Variants in SH3BP5L observed in about 807,000 individuals in gnomAD.
The protein encoded by SH3BP5L is SH3 binding domain protein 5 like.
A neutral mutation model predicts 40.9 loss-of-function variants in SH3BP5L; 16 were observed. The observed-to-expected ratio is 0.39, with a 90% CI of 0.27 to 0.59. The LOEUF (loss-of-function observed/expected upper bound fraction) is 0.59, where lower values mean the gene tolerates loss of function less well. Among genes scored for constraint, SH3BP5L ranks in the 20% least tolerant of loss-of-function variants. The pLI, the probability that SH3BP5L is intolerant of heterozygous loss-of-function variation, is 0.53. For synonymous variants in SH3BP5L, 229 were observed against 226.7 expected, an observed-to-expected ratio of 1.01 and a Z score of -0.09; for missense variants, 471 against 544.6, an observed-to-expected ratio of 0.86 and a Z score of 1.35.
At position 248,813,330 on chromosome 1, in the gene SH3BP5L, T is replaced by C. The variant is rs1664008303; in HGVS notation, c.538-168A>G. The C allele has an allele frequency of 8.3e-6, 5 of 604,972 alleles. No individual in the cohort carries two copies. The South Asian group carries it at 1.6e-4, about 19-fold the overall frequency. The allele number at this position is 604,972 out of a possible 1,614,324, so 37.5% of individuals were successfully genotyped here. ...GACACGCAGGGGAACACGGGGTCTA[T>C]GAGCCTCAAGACAGCTTATTTCTGT... is the stretch of plus-strand genomic sequence containing the variant. On this transcript the variant is annotated intron_variant, in intron 5 of 6. Transcript: ENST00000366472.
intron 2 of SH3BP5L, 41 bp from the exon 3 acceptor site, chr1:248,816,925 A>G (rs770029338): frequency 1.2e-5 from 19 of 1,613,478 alleles, no homozygotes; most frequent in Middle Eastern, 3.3e-4. Context: ...AGTGGAAGGA[A>G]GTAGCCTTGA....
rs1261521917 is a variant in SH3BP5L at position 248,821,902 on chromosome 1, G to T, written c.183+2851C>A. On this transcript the variant is annotated intron_variant, in intron 2 of 6. Transcript: ENST00000366472. This position sits in a 1 kb window ranked among gnomAD's most constrained non-coding sequence, Gnocchi z 4.6. ...GAGCCCCAGCCCCAGGTCAGACAGG[G>T]CCTCATCCGAAGGACAGCCATTTCC... 1.3e-5 allele frequency among the ~76,000 whole-genome samples: 2 copies of T among 152,204 alleles called. No individual in the cohort carries two copies. Among genetic ancestry groups the T allele is most frequent in the Admixed American group, 6.5e-5 (1 of 15,286 alleles).
chr1:248,814,325 G>C (rs959406516), intron 5 of SH3BP5L, 124 bp downstream of exon 5: 2 of 1,143,458 alleles, frequency 1.7e-6, no homozygotes, highest in African/African-American at 3.1e-5. Context: ...GGTTTTGCCT[G>C]AAACAGAATC....
chr1:248,816,873 C>G lies in SH3BP5L; in HGVS notation c.195G>C (p.Glu65Asp). ...TCTCCTCGCTGGCCTGGTTCAGGTG[C>G]TCCAACTCCTCCTGCCACAGAGAGG... ...ELDPRIQEEL[E>D]HLNQASEEIN... The change falls in exon 3 of 7, where the codon GAG becomes GAC. Residue 65 changes from glutamate (E) to aspartate (D), a missense_variant. By Grantham distance (45) the Glu-to-Asp change is conservative. This residue lies in a region of SH3BP5L where 275 missense variants were observed against 370.1 expected (regional missense o/e 0.74). Transcript: ENST00000366472. 2 of 1,614,154 alleles carry G rather than the reference C, an allele frequency of 1.2e-6. No individual in the cohort carries two copies. Among genetic ancestry groups the G allele is most frequent in the Non-Finnish European group, 1.7e-6 (2 of 1,180,016 alleles).
At position 248,811,577 on chromosome 1, in the gene SH3BP5L, T is replaced by G; in HGVS notation, c.*323A>C. On this transcript the variant is annotated 3_prime_UTR_variant, in exon 7 of 7. Coordinates refer to ENST00000366472, the MANE Select transcript of SH3BP5L (RefSeq NM_030645.3). ...TCCCTGAGGGAAAAAGCCAAACAGATGGAAAGAGAGGGAGCAGAAAGGGAA... is the reference window on the plus strand; with the variant it reads ...TCCCTGAGGGAAAAAGCCAAACAGAGGGAAAGAGAGGGAGCAGAAAGGGAA... 11 of 332,148 alleles carry G rather than the reference T, an allele frequency of 3.3e-5. No individual in the cohort carries two copies. Among genetic ancestry groups the G allele is most frequent in the East Asian group, 2.0e-4 (4 of 19,972 alleles). The allele number at this position is 332,148 out of a possible 1,614,324, so 20.6% of individuals were successfully genotyped here. A position where few individuals can be genotyped will look rare whatever the true frequency, so the allele number is the denominator to read the frequency against.
chr1:248,814,313 C>G, intron 5 of SH3BP5L, 136 bp downstream of exon 5: 2 of 953,126 alleles, frequency 2.1e-6, no homozygotes, highest in South Asian at 3.3e-5. Context: ...AAACTAGGAA[C>G]AGGTTTTGCC....
intron 4 of SH3BP5L, chr1:248,814,994 T>C: frequency 8.3e-6 from 3 of 359,968 alleles, no homozygotes; most frequent in South Asian, 2.2e-5. Flanking sequence ...GCAGGCAAGC[T>C]GAAGGAAGTA....
At chr1:248,824,135 T>C (rs994615872) in intron 2 of SH3BP5L, among the ~76,000 whole-genome samples, 2 of 152,216 alleles carry the variant, frequency 1.3e-5, no homozygotes, top group Admixed American at 1.3e-4. Flanking sequence ...CAGGTATGTA[T>C]GTTACTAAGG....
rs765718233 is a variant in SH3BP5L at position 248,811,124 on chromosome 1, G to C, written c.*776C>G. Reference sequence around the variant, plus strand: ...CCTCTTAGGGACCCACTAGCACCTTGGCAATGTTGAGGACCCAGCCCAGCG... The same window carrying C: ...CCTCTTAGGGACCCACTAGCACCTTCGCAATGTTGAGGACCCAGCCCAGCG... On this transcript the variant is annotated 3_prime_UTR_variant, in exon 7 of 7. Coordinates refer to ENST00000366472, the MANE Select transcript of SH3BP5L (RefSeq NM_030645.3). 1 of 152,692 alleles carries C rather than the reference G, an allele frequency of 6.5e-6. No homozygotes were observed. The highest frequency in any genetic ancestry group is 2.1e-4 in the South Asian group (1 of 4,836). The allele number at this position is 152,692 out of a possible 1,614,324, so 9.5% of individuals were successfully genotyped here. A position where few individuals can be genotyped will look rare whatever the true frequency, so the allele number is the denominator to read the frequency against.
chr1:248,821,475 GC>G lies in SH3BP5L; in HGVS notation c.183+3277del, dbSNP rs1664254326. Among the ~76,000 whole-genome samples, 1 of 152,124 alleles carries G rather than the reference GC, an allele frequency of 6.6e-6. No individual in the cohort carries two copies. Among genetic ancestry groups the G allele is most frequent in the South Asian group, 2.1e-4 (1 of 4,826 alleles). On this transcript the variant is annotated intron_variant, in intron 2 of 6. Transcript: ENST00000366472. This position sits in a 1 kb window ranked among gnomAD's most constrained non-coding sequence, Gnocchi z 4.6. The stretch of plus-strand genomic sequence containing the variant: ...AAGACTCAAACTAATGGTAACTGGG[GC>G]CAGGGTGATGACTGTCCTGTGAAAG...
chr1:248,811,661 G>T lies in SH3BP5L; in HGVS notation c.*239C>A, dbSNP rs1663928030. ...GCTGGCAGGCAGAGGCAGACAGAGC[G>T]CCGAGGGCGAGCCTTCTGAATGGGT... On this transcript the variant is annotated 3_prime_UTR_variant, in exon 7 of 7. Coordinates refer to ENST00000366472, the MANE Select transcript of SH3BP5L (RefSeq NM_030645.3). 1 of 500,692 alleles carries T rather than the reference G, an allele frequency of 2.0e-6. No individual in the cohort carries two copies. The highest frequency in any genetic ancestry group is 3.5e-6 in the Non-Finnish European group (1 of 284,020). The allele number at this position is 500,692 out of a possible 1,614,324, so 31.0% of individuals were successfully genotyped here.
chr1:248,813,716 G>A (rs1391461111), intron 5 of SH3BP5L: 1 of 153,454 alleles, frequency 6.5e-6, no homozygotes, highest in African/African-American at 2.4e-5. Context: ...ATGGGGCTCT[G>A]GCGTGCTTCT....
Position 248,812,416 on chromosome 1 carries a change from C to T in SH3BP5L, c.712-46G>A. ...CAAGGCGACCCATGGGGCACGTCTC[C>T]ACCTTCCTCAGCACTCTGCACTGAG... On this transcript the variant is annotated intron_variant, in intron 6 of 6. Coordinates refer to ENST00000366472, the MANE Select transcript of SH3BP5L (RefSeq NM_030645.3). This position sits in a 1 kb window ranked among gnomAD's most constrained non-coding sequence, Gnocchi z 6.1. 1 of 1,469,306 alleles carries T rather than the reference C, an allele frequency of 6.8e-7. No homozygotes were observed. Among genetic ancestry groups the T allele is most frequent in the Non-Finnish European group, 9.4e-7 (1 of 1,066,520 alleles). 91.0% of individuals were successfully genotyped at this position (1,469,306 alleles called of 1,614,324 possible).
Position 248,825,261 on chromosome 1 carries a change from G to A in SH3BP5L, c.-326C>T, listed in dbSNP as rs1188905543. ...ATCCTGGACCGAGGCCTGCTAGGAG[G>A]AGCACCATTCGGGAGGGTGGAGGCA... On this transcript the variant is annotated 5_prime_UTR_variant, in exon 2 of 7. Coordinates refer to ENST00000366472, the MANE Select transcript of SH3BP5L (RefSeq NM_030645.3). 9.3e-7 allele frequency: 1 copy of A among 1,070,746 alleles called. No homozygotes were observed. The highest frequency in any genetic ancestry group is 1.7e-5 in the African/African-American group (1 of 59,850). The allele number at this position is 1,070,746 out of a possible 1,614,324, so 66.3% of individuals were successfully genotyped here. A position where few individuals can be genotyped will look rare whatever the true frequency, so the allele number is the denominator to read the frequency against.
At position 248,816,573 on chromosome 1, in the gene SH3BP5L, T is replaced by C; in HGVS notation, c.336A>G (p.Lys112=). Residue 112 remains lysine, a synonymous_variant, in exon 4 of 7, where the codon AAA becomes AAG. Transcript: ENST00000366472. ...QGSHLGSCIE[K]ARPYYEARRL... is the part of the protein sequence containing the mutation. ...GCCGAGCCTCATAGTAGGGCCGGGC[T>C]TTCTCGATGCAGCTCCCCAAGTGGG... The C allele has an allele frequency of 6.2e-7, 1 of 1,614,158 alleles. No individual in the cohort carries two copies. The highest frequency in any genetic ancestry group is 1.7e-5 in the Admixed American group (1 of 60,024).
rs146017785 is a variant in SH3BP5L at position 248,824,072 on chromosome 1, C to T, written c.183+681G>A. 6.6e-5 allele frequency among the ~76,000 whole-genome samples: 10 copies of T among 152,288 alleles called. No individual in the cohort carries two copies. The East Asian group carries it at 1.7e-3, about 26-fold the overall frequency. ...CCTACCAACTAGATTGTAGACACTC[C>T]AAGGCAATAAACTGCTCTTCCATTC... On this transcript the variant is annotated intron_variant, in intron 2 of 6. Transcript: ENST00000366472.
intron 5 of SH3BP5L, 80 bp from the exon 6 acceptor site, chr1:248,813,242 C>T (rs1400324526): frequency 1.6e-5 from 22 of 1,393,714 alleles, no homozygotes; most frequent in Admixed American, 1.1e-4. Flanking sequence ...ATCTGAACAA[C>T]GCCCTGGGGG....
chr1:248,813,428 T>G, intron 5 of SH3BP5L: 1 of 385,014 alleles, frequency 2.6e-6, no homozygotes, highest in Non-Finnish European at 4.6e-6. Context: ...GTCTTCCCCA[T>G]GTTCTTGCCT....
At position 248,812,162 on chromosome 1, in the gene SH3BP5L, C is replaced by G; in HGVS notation, c.920G>C (p.Gly307Ala). Residue 307 changes from glycine to alanine, a missense_variant, in exon 7 of 7, where the codon GGG becomes GCG. Gly to Ala is a moderately conservative substitution (Grantham distance 60). Coordinates refer to ENST00000366472, the MANE Select transcript of SH3BP5L (RefSeq NM_030645.3). This position sits in a 1 kb window ranked among gnomAD's most constrained non-coding sequence, Gnocchi z 6.1. ...CCCCGCACCCTCGGCCCCCTCAATC[C>G]CGCTGTCTCCGTCCTCCATGTCCTC... is the stretch of plus-strand genomic sequence containing the variant. ...GPEDMEDGDS[G>A]IEGAEGAGLE... The G allele has an allele frequency of 6.3e-7, 1 of 1,597,872 alleles. No individual in the cohort carries two copies. The highest frequency in any genetic ancestry group is 1.3e-5 in the African/African-American group (1 of 74,716).
Sources: gnomAD v4.1 joint callset for allele counts (sites outside exome capture counted in the v4.1 genomes callset) on GRCh38, gnomAD v4.1.1 for gene constraint, gnomAD v4.1.1 regional missense constraint, Gnocchi (gnomAD v3.1) non-coding constraint, MANE v1.5 for transcripts, NCBI Gene and HGNC (gene_info 2026-07-23, HGNC 2026-07-21) for gene names.